The following CPA6 variants were observed in gnomAD, a reference collection of about 807,000 sequenced individuals.
The protein encoded by CPA6 is carboxypeptidase A6.
Under a neutral mutation model 63.3 loss-of-function variants are expected in CPA6, and 58 were observed. That is an observed-to-expected ratio of 0.92 (90% CI 0.74 to 1.14). The LOEUF (loss-of-function observed/expected upper bound fraction) is 1.14. CPA6 is among the 50% of genes most tolerant of loss of function. The pLI, the probability that CPA6 is intolerant of heterozygous loss-of-function variation, is 0.00. For missense variants in CPA6, 565 were observed against 526.6 expected, an observed-to-expected ratio of 1.07 and a Z score of -0.71; for synonymous variants, 185 against 179.0, an observed-to-expected ratio of 1.03 and a Z score of -0.27.
In CPA6 at chr8:67,465,872, A is replaced by G. The variant is rs143618720; in HGVS notation, c.838+17896T>C. Among the ~76,000 whole-genome samples, 1,235 of 152,016 alleles carry G rather than the reference A, an allele frequency of 8.1e-3. 14 individuals carry two copies. Among genetic ancestry groups the G allele is most frequent in the African/African-American group, 0.028 (1,174 of 41,468 alleles). ...TTTGTTTGCTAGTATTTTGTTAAGG[A>G]TTTTTGCATCTATGTTCATCAGGGA... On this transcript the variant is annotated intron_variant, in intron 8 of 10. Coordinates refer to ENST00000297770, the MANE Select transcript of CPA6 (RefSeq NM_020361.5).
chr8:67,428,484 ATTTC>A (rs956061515), intron 9 of CPA6, among the ~76,000 whole-genome samples: 2 of 151,882 alleles, frequency 1.3e-5, no homozygotes, highest in Admixed American at 1.3e-4. Context: ...CAAGGCAACA[ATTTC>A]TTTCTTTTTT....
At chr8:67,504,342 C>T (rs936514138) in intron 6 of CPA6, among the ~76,000 whole-genome samples, 1 of 152,128 alleles carries the variant, frequency 6.6e-6, no homozygotes, top group Non-Finnish European at 1.5e-5. Flanking sequence ...GTATTTGTGC[C>T]CTGCATAATT....
At chr8:67,566,213 C>T (rs1813333102) in intron 2 of CPA6, among the ~76,000 whole-genome samples, 1 of 152,206 alleles carries the variant, frequency 6.6e-6, no homozygotes, top group Admixed American at 6.5e-5. Flanking sequence ...AGAAGAACAT[C>T]TTCCTCCAAA....
chr8:67,559,785 A>G (rs549879241), intron 2 of CPA6, among the ~76,000 whole-genome samples: 29 of 152,006 alleles, frequency 1.9e-4, no homozygotes, highest in Non-Finnish European at 4.0e-4. Flanking sequence ...AAGATGGGAA[A>G]TTTGTCTGTA....
At chr8:67,580,272 G>A (rs1813736051) in intron 2 of CPA6, among the ~76,000 whole-genome samples, 1 of 152,216 alleles carries the variant, frequency 6.6e-6, no homozygotes, top group East Asian at 1.9e-4. Flanking sequence ...GCTTCTCATA[G>A]CATGCTTAGG....
intron 9 of CPA6, among the ~76,000 whole-genome samples, chr8:67,429,135 C>T (rs1381221334): frequency 6.6e-6 from 1 of 152,072 alleles, no homozygotes; most frequent in Non-Finnish European, 1.5e-5. Context: ...ACATATGCCT[C>T]CCACAGATCT....
intron 2 of CPA6, among the ~76,000 whole-genome samples, chr8:67,550,015 G>A (rs907144310): frequency 6.6e-6 from 1 of 152,184 alleles, no homozygotes; most frequent in African/African-American, 2.4e-5. Flanking sequence ...AAGTGAAATT[G>A]CTGGATCATT....
chr8:67,713,099 G>GTATA (rs67842734), intron 1 of CPA6, among the ~76,000 whole-genome samples: 1,960 of 54,778 alleles, frequency 0.036, 80 homozygotes, highest in African/African-American at 0.04. Flanking sequence ...GTGTGTGTGT[G>GTATA]TATATATATA....
At chr8:67,613,126 G>T (rs7814691) in intron 2 of CPA6, among the ~76,000 whole-genome samples, 1 of 152,056 alleles carries the variant, frequency 6.6e-6, no homozygotes, top group Admixed American at 6.5e-5. Flanking sequence ...ATAAAACTTC[G>T]TTAGTAATTG....
intron 1 of CPA6, among the ~76,000 whole-genome samples, chr8:67,716,071 T>C (rs796127201): frequency 4.4e-4 from 66 of 148,506 alleles, no homozygotes; most frequent in African/African-American, 1.5e-3. Context: ...GGAGAATCAC[T>C]TGAACCCAGG....
chr8:67,707,444 C>T (rs1817161180), intron 1 of CPA6, among the ~76,000 whole-genome samples: 1 of 152,238 alleles, frequency 6.6e-6, no homozygotes, highest in African/African-American at 2.4e-5. Context: ...GCATATTCCT[C>T]TCTACCTGAT....
intron 2 of CPA6, among the ~76,000 whole-genome samples, chr8:67,554,844 G>A (rs192294699): frequency 3.3e-4 from 51 of 152,264 alleles, no homozygotes; most frequent in Admixed American, 2.9e-3. Context: ...TTTGGCCCCA[G>A]CCTGCTAGAT....
At chr8:67,644,440 G>C (rs1372698862) in intron 1 of CPA6, among the ~76,000 whole-genome samples, 1 of 152,156 alleles carries the variant, frequency 6.6e-6, no homozygotes, top group Non-Finnish European at 1.5e-5. Flanking sequence ...TTGGCTTGCA[G>C]GGATGCCCTG....
At chr8:67,709,930 G>A (rs1817218985) in intron 1 of CPA6, among the ~76,000 whole-genome samples, 1 of 152,028 alleles carries the variant, frequency 6.6e-6, no homozygotes, top group Non-Finnish European at 1.5e-5. Flanking sequence ...GGCCAACATG[G>A]TGAAACCCCG....
At chr8:67,591,085 G>C (rs1487946793) in intron 2 of CPA6, among the ~76,000 whole-genome samples, 6 of 151,056 alleles carry the variant, frequency 4.0e-5, no homozygotes, top group African/African-American at 1.5e-4. Context: ...AAGGGATCCA[G>C]TTTCAGCTTT....
intron 2 of CPA6, among the ~76,000 whole-genome samples, chr8:67,562,519 C>T (rs1253761306): frequency 4.6e-5 from 7 of 151,946 alleles, no homozygotes; most frequent in East Asian, 1.9e-4. Flanking sequence ...TGTGGTTCTA[C>T]GTACAGTTGG....
chr8:67,695,322 C>T (rs2128997883), intron 1 of CPA6, among the ~76,000 whole-genome samples: 1 of 152,304 alleles, frequency 6.6e-6, no homozygotes, highest in Non-Finnish European at 1.5e-5. Flanking sequence ...CCCAATCTGC[C>T]AGCAGCAGAG....
chr8:67,677,962 C>A (rs574659251), intron 1 of CPA6, among the ~76,000 whole-genome samples: 6 of 152,042 alleles, frequency 3.9e-5, no homozygotes, highest in Admixed American at 2.6e-4. Context: ...CATAAAAAAC[C>A]CTGATGAGCT....
At chr8:67,743,793 C>G (rs1037209682) in intron 1 of CPA6, among the ~76,000 whole-genome samples, 2 of 152,178 alleles carry the variant, frequency 1.3e-5, no homozygotes, top group African/African-American at 4.8e-5. Flanking sequence ...ATTTTTTATT[C>G]ATGCTCAGGG....
Sources: gnomAD v4.1 joint callset for allele counts (sites outside exome capture counted in the v4.1 genomes callset) on GRCh38, gnomAD v4.1.1 for gene constraint, MANE v1.5 for transcripts, NCBI Gene and HGNC (gene_info 2026-07-23, HGNC 2026-07-21) for gene names.